The following ETV1 variants were observed in gnomAD, a reference collection of about 807,000 sequenced individuals.
ETV1 encodes the protein ETS translocation variant 1.
A neutral mutation model predicts 62.3 loss-of-function variants in ETV1; 27 were observed. The ratio of observed to expected loss-of-function variants is 0.43; its 90% CI spans 0.32 to 0.60. ETV1 has a LOEUF of 0.60. ETV1 is among the 20% of genes least tolerant of loss of function. The probability of loss-of-function intolerance (pLI) is 0.06; values close to 1 mark genes in which losing one functional copy is unlikely to be tolerated. For synonymous variants in ETV1, 222 were observed against 199.6 expected, an observed-to-expected ratio of 1.11 and a Z score of -0.94; for missense variants, 605 against 605.8, an observed-to-expected ratio of 1.00 and a Z score of 0.01.
In ETV1 at chr7:13,986,650, A is replaced by T; in HGVS notation, c.169T>A (p.Trp57Arg). 1 of 1,612,618 alleles carries T rather than the reference A, an allele frequency of 6.2e-7. No individual in the cohort carries two copies. Among genetic ancestry groups the T allele is most frequent in the Non-Finnish European group, 8.5e-7 (1 of 1,179,414 alleles). The stretch of plus-strand genomic sequence containing the variant: ...AATTTTGCCTTACCTTCTGCAAGCC[A>T]TGTTTCCTGTAATTGACTTAGATCT... ...FQDLSQLQET[W>R]LAEAQVPDND... is the part of the protein sequence containing the mutation. Residue 57 changes from tryptophan (W) to arginine (R), a missense_variant, in exon 5 of 14, where the codon TGG (tryptophan) becomes AGG (arginine). Around this residue, in one of 3 missense-constraint regions of ETV1, gnomAD observed 426 missense variants for 377.8 expected, o/e 1.13. Coordinates refer to ENST00000430479, the MANE Select transcript of ETV1 (RefSeq NM_004956.5).
intron 6 of ETV1, among the ~76,000 whole-genome samples, chr7:13,954,696 A>T (rs2128475594): frequency 6.6e-6 from 1 of 152,320 alleles, no homozygotes; most frequent in Admixed American, 6.5e-5. Context: ...TTTTAGCACC[A>T]AAATGACATG....
At chr7:13,898,380 T>A (rs1263925948) in intron 13 of ETV1, among the ~76,000 whole-genome samples, 1 of 152,234 alleles carries the variant, frequency 6.6e-6, no homozygotes, top group African/African-American at 2.4e-5. Context: ...TACTGAAGGA[T>A]AAATTAGAAA....
At chr7:13,980,382 C>T (rs1362410467) in intron 5 of ETV1, among the ~76,000 whole-genome samples, 1 of 152,116 alleles carries the variant, frequency 6.6e-6, no homozygotes, top group East Asian at 1.9e-4. Flanking sequence ...GAGCAAACTG[C>T]AGCTGCCTGA....
intron 6 of ETV1, among the ~76,000 whole-genome samples, chr7:13,957,156 G>A (rs1190900788): frequency 6.6e-6 from 1 of 152,142 alleles, no homozygotes; most frequent in East Asian, 1.9e-4. Flanking sequence ...CGCGATCTCA[G>A]CTCACTCCAA....
At chr7:13,920,059 TA>T (rs1265437977) in intron 9 of ETV1, among the ~76,000 whole-genome samples, 7 of 152,080 alleles carry the variant, frequency 4.6e-5, no homozygotes, top group Non-Finnish European at 8.8e-5. Context: ...AAAAAGAAAC[TA>T]AAAGTCCCAC....
intron 6 of ETV1, among the ~76,000 whole-genome samples, chr7:13,965,131 C>G (rs368287930): frequency 3.3e-5 from 5 of 152,268 alleles, no homozygotes; most frequent in East Asian, 1.9e-4. Context: ...CTGAAACATT[C>G]TGGGGCCAAA....
chr7:13,894,414 A>C lies in ETV1; in HGVS notation c.*1452T>G. The C allele has an allele frequency of 4.3e-6, 1 of 232,672 alleles. No homozygotes were observed. The highest frequency in any genetic ancestry group is 8.5e-6 in the Non-Finnish European group (1 of 117,458). 14.4% of individuals were successfully genotyped at this position (232,672 alleles called of 1,614,324 possible). A position where few individuals can be genotyped will look rare whatever the true frequency, so the allele number is the denominator to read the frequency against. On this transcript the variant is annotated 3_prime_UTR_variant, in exon 14 of 14. Transcript: ENST00000430479. The stretch of plus-strand genomic sequence containing the variant: ...AAATCTTCTTTCAAACAATCCAATC[A>C]CATTTACAGAAGTGTCCAAAAAGAG...
At chr7:13,915,983 T>C (rs533446677) in intron 9 of ETV1, among the ~76,000 whole-genome samples, 17 of 152,320 alleles carry the variant, frequency 1.1e-4, no homozygotes, top group African/African-American at 3.8e-4. Context: ...CTGAACTGGA[T>C]GTGAATGTAA....
At chr7:13,921,849 A>G (rs1040351204) in intron 9 of ETV1, among the ~76,000 whole-genome samples, 3 of 152,208 alleles carry the variant, frequency 2.0e-5, no homozygotes, top group Non-Finnish European at 4.4e-5. Context: ...CGTATACCGA[A>G]TTATTAATTT....
At position 13,988,929 on chromosome 7, in the gene ETV1, C is replaced by T; in HGVS notation, c.45+79G>A. 9.6e-6 allele frequency: 14 copies of T among 1,463,474 alleles called. No homozygotes were observed. The South Asian group carries it at 1.4e-4, about 15-fold the overall frequency. 90.7% of individuals were successfully genotyped at this position (1,463,474 alleles called of 1,614,324 possible). On this transcript the variant is annotated intron_variant, in intron 3 of 13. Coordinates refer to ENST00000430479, the MANE Select transcript of ETV1 (RefSeq NM_004956.5). Reference sequence around the variant, plus strand: ...TCTGCAATCCCAACCCCCGTGCCCCCTCCCTTCTCATTTTCTCCCTCTCCC... The same window carrying T: ...TCTGCAATCCCAACCCCCGTGCCCCTTCCCTTCTCATTTTCTCCCTCTCCC...
chr7:13,905,984 C>A (rs918273346), intron 12 of ETV1, among the ~76,000 whole-genome samples: 9 of 152,166 alleles, frequency 5.9e-5, no homozygotes, highest in African/African-American at 1.7e-4. Context: ...ATGCTCCTCT[C>A]CAACCCTCAT....
At chr7:13,935,641 T>A (rs1446838139) in intron 8 of ETV1, 67 bp downstream of exon 8, 2 of 1,376,268 alleles carry the variant, frequency 1.5e-6, no homozygotes, top group Non-Finnish European at 2.1e-6. Flanking sequence ...GCCTTCAGAA[T>A]TGTTAATAGA....
chr7:13,901,638 G>A (rs1782442214), intron 12 of ETV1, among the ~76,000 whole-genome samples: 1 of 152,180 alleles, frequency 6.6e-6, no homozygotes, highest in Admixed American at 6.5e-5. Flanking sequence ...GACAATGTGT[G>A]TAGCAGAGGA....
intron 11 of ETV1, among the ~76,000 whole-genome samples, chr7:13,906,844 A>G (rs1178402272): frequency 6.6e-6 from 1 of 152,206 alleles, no homozygotes; most frequent in Non-Finnish European, 1.5e-5. Flanking sequence ...CTGTGTCAAT[A>G]TGAATGACAC....
intron 9 of ETV1, among the ~76,000 whole-genome samples, chr7:13,915,791 C>G (rs1784091252): frequency 6.6e-6 from 1 of 151,838 alleles, no homozygotes. Context: ...TATGACCACT[C>G]TATTGCAGAA....
chr7:13,938,606 C>A (rs1231686797), intron 7 of ETV1, among the ~76,000 whole-genome samples: 1 of 152,182 alleles, frequency 6.6e-6, no homozygotes, highest in Non-Finnish European at 1.5e-5. Flanking sequence ...TACTGCACCA[C>A]CCTTTATTAT....
At chr7:13,950,554 C>G (rs922130778) in intron 6 of ETV1, among the ~76,000 whole-genome samples, 1 of 152,116 alleles carries the variant, frequency 6.6e-6, no homozygotes, top group Non-Finnish European at 1.5e-5. Flanking sequence ...TGGTGGCCTT[C>G]GGATGAATGC....
intron 6 of ETV1, among the ~76,000 whole-genome samples, chr7:13,964,120 A>T (rs1384604824): frequency 2.0e-5 from 3 of 152,204 alleles, no homozygotes; most frequent in Non-Finnish European, 4.4e-5. Context: ...CCCAGTGCCA[A>T]GGACTAGGGA....
chr7:13,986,040 A>G, intron 5 of ETV1: 1 of 1,180,246 alleles, frequency 8.5e-7, no homozygotes. Flanking sequence ...ATAGTAACAC[A>G]TGGAAAACAT....
Sources: gnomAD v4.1 joint callset for allele counts (sites outside exome capture counted in the v4.1 genomes callset) on GRCh38, gnomAD v4.1.1 for gene constraint, gnomAD v4.1.1 regional missense constraint, MANE v1.5 for transcripts, NCBI Gene and HGNC (gene_info 2026-07-23, HGNC 2026-07-21) for gene names.